Variants in PSG4 observed in about 807,000 individuals in gnomAD.
PSG4 encodes pregnancy specific beta-1-glycoprotein 4.
In PSG4, 61 loss-of-function variants were observed where a neutral mutation model predicts 44.3. The observed-to-expected ratio is 1.38, with a 90% CI of 1.12 to 1.70. PSG4 has a LOEUF of 1.70. PSG4 is among the 40% of genes most tolerant of loss of function. The probability of loss-of-function intolerance (pLI) is 0.00; values close to 1 mark genes in which losing one functional copy is unlikely to be tolerated. For missense variants in PSG4, 677 were observed against 511.7 expected, an observed-to-expected ratio of 1.32 and a Z score of -3.12; for synonymous variants, 248 against 191.3, an observed-to-expected ratio of 1.30 and a Z score of -2.45.
rs775882231 is a variant in PSG4 at position 43,197,266 on chromosome 19, G to T, written c.709+731C>A. 1.4e-5 allele frequency among the ~76,000 whole-genome samples: 2 copies of T among 145,196 alleles called. 1 individual carries two copies. Among genetic ancestry groups the T allele is most frequent in the Admixed American group, 1.4e-4 (2 of 14,634 alleles). On this transcript the variant is annotated intron_variant, in intron 3 of 5. Coordinates refer to ENST00000405312, the MANE Select transcript of PSG4 (RefSeq NM_002780.5). ...TGATTTTCCCTCTCCCTTTGCAGAGGGCAGGTGGCTTTTCCCTGATAGCTA... is the reference window on the plus strand; with the variant it reads ...TGATTTTCCCTCTCCCTTTGCAGAGTGCAGGTGGCTTTTCCCTGATAGCTA...
chr19:43,193,503 T>C, intron 5 of PSG4, 115 bp from the exon 6 acceptor site: 1 of 725,556 alleles, frequency 1.4e-6, no homozygotes, highest in East Asian at 2.5e-5. Context: ...TCTCTAGTTT[T>C]ACCAATGATA....
At chr19:43,196,529 T>C (rs186630156) in intron 3 of PSG4, 5 of 151,794 alleles carry the variant, frequency 3.3e-5, no homozygotes, top group Non-Finnish European at 7.4e-5. Context: ...ATCCCAAATC[T>C]GAAAGATTCA....
At chr19:43,201,727 T>C (rs1967517791) in intron 2 of PSG4, among the ~76,000 whole-genome samples, 1 of 145,706 alleles carries the variant, frequency 6.9e-6, no homozygotes, top group Non-Finnish European at 1.5e-5. Flanking sequence ...CTGGGGAGGC[T>C]GATTTGAGTA....
chr19:43,195,759 G>A (rs1163071255), intron 3 of PSG4, among the ~76,000 whole-genome samples: 2 of 150,808 alleles, frequency 1.3e-5, no homozygotes, highest in African/African-American at 4.9e-5. Flanking sequence ...AAGATACTGA[G>A]CAGTCTGGCC....
rs1348547907 is a variant in PSG4, at chr19:43,193,388, T to G, written c.1244A>C (p.Asp415Ala). Residue 415 changes from aspartate (D) to alanine (A), a missense_variant and splice_region_variant, in exon 6 of 6, where the codon GAC becomes GCC. Coordinates refer to ENST00000405312, the MANE Select transcript of PSG4 (RefSeq NM_002780.5). ...TAGTAGAATTCAGGGTAATATCCAG[T>G]CTACAGGTGGATAATAAAAACACAG... ...SSKSITVKVS[D>A]WILP 3.9e-6 allele frequency: 3 copies of G among 771,550 alleles called. No homozygotes were observed. Among genetic ancestry groups the G allele is most frequent in the Non-Finnish European group, 7.2e-6 (3 of 417,596 alleles). 47.8% of individuals were successfully genotyped at this position (771,550 alleles called of 1,614,324 possible).
intron 2 of PSG4, 150 bp from the exon 3 acceptor site, chr19:43,198,425 G>A: frequency 7.4e-7 from 1 of 1,343,668 alleles, no homozygotes; most frequent in African/African-American, 1.6e-5. Flanking sequence ...ACAGATGCAT[G>A]GCAATCTGAG....
rs182496097 is a variant in PSG4 at position 43,198,512 on chromosome 19, T to A, written c.431-237A>T. ...CTTAGGTGTGAATTGAGCAGCAGCA[T>A]TGGGTCATGGAAAGACACAGGACCA... On this transcript the variant is annotated intron_variant, in intron 2 of 5. Transcript: ENST00000405312. The A allele has an allele frequency of 4.1e-4, 305 of 751,570 alleles. 14 individuals are homozygous for A. The highest frequency in any genetic ancestry group is 8.3e-4 in the Admixed American group (25 of 30,156). The allele number at this position is 751,570 out of a possible 1,614,324, so 46.6% of individuals were successfully genotyped here.
In PSG4 at chr19:43,194,518, G is replaced by C; in HGVS notation, c.1065C>G (p.Phe355Leu). ...ATTGTGCCCGTGGGTTAGACTCGGC[G>C]AAGCAGGACAAGTAGAGGTTTTCTC... ...RSGENLYLSC[F>L]AESNPRAQYS... Residue 355 changes from phenylalanine (F) to leucine (L), a missense_variant, in exon 5 of 6, where the codon TTC becomes TTG. By Grantham distance (22) the Phe-to-Leu change is conservative. Coordinates refer to ENST00000405312, the MANE Select transcript of PSG4 (RefSeq NM_002780.5). 1 of 1,612,568 alleles carries C rather than the reference G, an allele frequency of 6.2e-7. No homozygotes were observed. The highest frequency in any genetic ancestry group is 8.5e-7 in the Non-Finnish European group (1 of 1,179,148).
rs552221550 is a variant in PSG4, at chr19:43,198,400, A to G, written c.431-125T>C. Reference sequence around the variant, plus strand: ...CCAAGTCCTTAAAAGCCCATGGAAGATGTGTGTGTTAAAGACAGATGCATG... The same window carrying G: ...CCAAGTCCTTAAAAGCCCATGGAAGGTGTGTGTGTTAAAGACAGATGCATG... On this transcript the variant is annotated intron_variant, in intron 2 of 5. Coordinates refer to ENST00000405312, the MANE Select transcript of PSG4 (RefSeq NM_002780.5). 21 of 1,429,390 alleles carry G rather than the reference A, an allele frequency of 1.5e-5. 1 individual carries two copies. Among genetic ancestry groups the G allele is most frequent in the South Asian group, 4.2e-5 (3 of 72,008 alleles). The allele number at this position is 1,429,390 out of a possible 1,614,324, so 88.5% of individuals were successfully genotyped here. A position where few individuals can be genotyped will look rare whatever the true frequency, so the allele number is the denominator to read the frequency against.
At position 43,197,887 on chromosome 19, in the gene PSG4, T is replaced by C. The variant is rs554730029; in HGVS notation, c.709+110A>G. The stretch of plus-strand genomic sequence containing the variant: ...GAAAGTCATGGCCAGCTTTGATGTC[T>C]AGGGGTAAAGGTCTCTGTACTTGGA... On this transcript the variant is annotated intron_variant, in intron 3 of 5. Transcript: ENST00000405312. 2.2e-4 allele frequency: 348 copies of C among 1,569,776 alleles called. 20 individuals carry two copies. The highest frequency in any genetic ancestry group is 4.6e-4 in the South Asian group (41 of 88,674).
intron 1 of PSG4, among the ~76,000 whole-genome samples, chr19:43,205,111 CTTTTTTT>C (rs59165427): frequency 1.1e-5 from 1 of 90,852 alleles, no homozygotes; most frequent in Non-Finnish European, 1.9e-5. Flanking sequence ...TTCCTTTTTT[CTTTTTTT>C]TTTTTTTGAG....
Position 43,195,175 on chromosome 19 carries a change from T to C in PSG4, c.808A>G (p.Thr270Ala), listed in dbSNP as rs1301751258. ...TGACCATTTAGCCACCAAATGTAGG[T>C]GTAGTTCTTACTCTTAGGTTCACAG... is the stretch of plus-strand genomic sequence containing the variant. ...FTCEPKSKNY[T>A]YIWWLNGQSL... The change falls in exon 4 of 6, where the codon ACC becomes GCC. Residue 270 changes from threonine (T) to alanine (A), a missense_variant. By Grantham distance (58) the Thr-to-Ala change is moderately conservative. Coordinates refer to ENST00000405312, the MANE Select transcript of PSG4 (RefSeq NM_002780.5). 7.7e-5 allele frequency: 124 copies of C among 1,610,082 alleles called. 2 individuals are homozygous for C. Among genetic ancestry groups the C allele is most frequent in the Non-Finnish European group, 1.0e-4 (121 of 1,178,860 alleles).
intron 1 of PSG4, chr19:43,204,693 T>TTCCCCCCC (rs1555724284): frequency 6.7e-6 from 1 of 149,520 alleles, no homozygotes; most frequent in Non-Finnish European, 1.1e-5. Context: ...CATGTCTGTC[T>TTCCCCCCC]TCCCCCCACG....
intron 3 of PSG4, among the ~76,000 whole-genome samples, chr19:43,195,573 C>A (rs1324030727): frequency 9.3e-5 from 14 of 151,338 alleles, no homozygotes; most frequent in South Asian, 2.1e-4. Flanking sequence ...CAGTCCCTCC[C>A]TAATCAGTTA....
At position 43,198,068 on chromosome 19, in the gene PSG4, C is replaced by T; in HGVS notation, c.638G>A (p.Gly213Glu). 6.3e-7 allele frequency: 1 copy of T among 1,587,738 alleles called. No individual in the cohort carries two copies. Among genetic ancestry groups the T allele is most frequent in the Non-Finnish European group, 8.5e-7 (1 of 1,171,956 alleles). The change falls in exon 3 of 6, where the codon GGA (glycine) becomes GAA (glutamate). Residue 213 changes from glycine to glutamate, a missense_variant. Coordinates refer to ENST00000405312, the MANE Select transcript of PSG4 (RefSeq NM_002780.5). Reference sequence around the variant, plus strand: ...GTTCCGTATTTCACATTCATAGGGTCCTGCAATATACTTTGTGACACCAAA... The same window carrying T: ...GTTCCGTATTTCACATTCATAGGGTTCTGCAATATACTTTGTGACACCAAA... ...FIFGVTKYIA[G>E]PYECEIRNPV... is the part of the protein sequence containing the mutation.
At position 43,194,376 on chromosome 19, in the gene PSG4, T is replaced by TTCCA; in HGVS notation, c.1206_1207insTGGA (p.Lys403TrpfsTer14). The TTCCA allele has an allele frequency of 6.2e-7, 1 of 1,612,502 alleles. No individual in the cohort carries two copies. The highest frequency in any genetic ancestry group is 8.5e-7 in the Non-Finnish European group (1 of 1,179,130). ...ACTGTGATGGATTTGGAGCTTTCCT[T>TTCCA]GCCAGTGGCTGAGTTACGAACAGAG... On this transcript the variant is annotated frameshift_variant, in exon 5 of 6. Transcript: ENST00000405312. LOFTEE classifies it low-confidence loss of function (END_TRUNC).
chr19:43,202,716 A>T (rs541513591), intron 2 of PSG4, among the ~76,000 whole-genome samples: 2 of 144,298 alleles, frequency 1.4e-5, no homozygotes, highest in African/African-American at 2.7e-5. Flanking sequence ...GCCTGGACAT[A>T]TTTTTTGCAC....
chr19:43,200,495 T>C (rs554246416), intron 2 of PSG4, among the ~76,000 whole-genome samples: 2 of 145,660 alleles, frequency 1.4e-5, no homozygotes, highest in Non-Finnish European at 3.0e-5. Flanking sequence ...GAAGTTTCTA[T>C]TGACACATCC....
chr19:43,201,061 A>C lies in PSG4; in HGVS notation c.431-2786T>G, dbSNP rs1395250519. Among the ~76,000 whole-genome samples, 4 of 145,512 alleles carry C rather than the reference A, an allele frequency of 2.7e-5. 1 individual carries two copies. In the East Asian group the frequency reaches 9.5e-4, roughly 34 times the overall value. On this transcript the variant is annotated intron_variant, in intron 2 of 5. Coordinates refer to ENST00000405312, the MANE Select transcript of PSG4 (RefSeq NM_002780.5). ...AGAAATGAGTCCATGTGCTTTGGGG[A>C]CTGCAGGCCTGTCCAGCCTCTGACA... is the stretch of plus-strand genomic sequence containing the variant.
Sources: gnomAD v4.1 joint callset for allele counts (sites outside exome capture counted in the v4.1 genomes callset) on GRCh38, gnomAD v4.1.1 for gene constraint, MANE v1.5 for transcripts, NCBI Gene and HGNC (gene_info 2026-07-23, HGNC 2026-07-21) for gene names.